The following LRRC7 variants were observed in gnomAD, a reference collection of about 807,000 sequenced individuals.
LRRC7 encodes the protein leucine rich repeat containing 7.
LRRC7 carries 23 observed loss-of-function variants against 175.7 expected under a neutral mutation model. That is an observed-to-expected ratio of 0.13 (90% confidence interval 0.09 to 0.19). LRRC7 has a LOEUF of 0.19. Ranked by LOEUF, LRRC7 falls within the 10% of genes least tolerant of loss-of-function variation. LRRC7 has a pLI of 1.00. For missense variants in LRRC7, 1,354 were observed against 1,904.7 expected (o/e 0.71, Z 5.38); for synonymous variants, 685 against 680.9 (o/e 1.01, Z -0.09).
At chr1:70,046,518 A>G (rs1660341373) in intron 22 of LRRC7, among the ~76,000 whole-genome samples, 1 of 152,188 alleles carries the variant, frequency 6.6e-6, no homozygotes, top group Non-Finnish European at 1.5e-5. Context: ...CACCAAAAAA[A>G]GAAGAAAAGT....
intron 8 of LRRC7, among the ~76,000 whole-genome samples, chr1:69,957,359 C>T (rs1301272302): frequency 1.3e-4 from 19 of 151,900 alleles, no homozygotes; most frequent in Non-Finnish European, 2.8e-4. Context: ...TTCCATTGAA[C>T]AAACGTAAGG....
intron 4 of LRRC7, among the ~76,000 whole-genome samples, chr1:69,814,756 A>T (rs1678383520): frequency 6.6e-6 from 1 of 152,194 alleles, no homozygotes; most frequent in African/African-American, 2.4e-5. Context: ...GTGAAGAGCC[A>T]CTGGTAACCT....
chr1:69,621,546 A>T (rs1489385363), intron 1 of LRRC7, among the ~76,000 whole-genome samples: 1 of 152,196 alleles, frequency 6.6e-6, no homozygotes, highest in Non-Finnish European at 1.5e-5. Flanking sequence ...AAAATTTCCT[A>T]GTTGAAATAT....
At chr1:69,615,807 A>T (rs917795993) in intron 1 of LRRC7, among the ~76,000 whole-genome samples, 3 of 152,046 alleles carry the variant, frequency 2.0e-5, no homozygotes, top group Admixed American at 6.6e-5. Flanking sequence ...ATTAAAGATT[A>T]AAAAATGTAT....
intron 1 of LRRC7, among the ~76,000 whole-genome samples, chr1:69,645,911 A>AT (rs1174435729): frequency 6.6e-6 from 1 of 152,004 alleles, no homozygotes; most frequent in Non-Finnish European, 1.5e-5. Context: ...TAGAACTGGA[A>AT]TTTTTTCTTG....
chr1:69,800,169 G>GTA (rs1383044351), intron 4 of LRRC7, among the ~76,000 whole-genome samples: 2 of 151,936 alleles, frequency 1.3e-5, no homozygotes, highest in Non-Finnish European at 1.5e-5. Flanking sequence ...TGGGGGTCAG[G>GTA]TAATTTGATG....
In LRRC7 at chr1:70,038,433, C is replaced by T; in HGVS notation, c.2609C>T (p.Pro870Leu). Residue 870 changes from proline (P) to leucine (L), a missense_variant, in exon 21 of 27, where the codon CCA (proline) becomes CTA (leucine). This residue lies in a region of LRRC7 where 1,032 missense variants were observed against 1,227.2 expected (regional missense o/e 0.84). Coordinates refer to ENST00000651989, the MANE Select transcript of LRRC7 (RefSeq NM_001370785.2). ...GAGCAGTCTACACACAGACACACAC[C>T]AGAAACAGAAGTGCCTCCTTCCAAT... ...ELEQSTHRHT[P>L]ETEVPPSNPW... 1 of 1,614,112 alleles carries T rather than the reference C, an allele frequency of 6.2e-7. No homozygotes were observed. The highest frequency in any genetic ancestry group is 2.2e-5 in the East Asian group (1 of 44,850).
intron 4 of LRRC7, among the ~76,000 whole-genome samples, chr1:69,822,105 T>TCCACCTAA (rs2101216563): frequency 6.6e-6 from 1 of 152,298 alleles, no homozygotes; most frequent in Admixed American, 6.5e-5. Flanking sequence ...ATGTGCCTGC[T>TCCACCTAA]CCACCTATTT....
chr1:69,675,270 C>T (rs1029821812), intron 1 of LRRC7, among the ~76,000 whole-genome samples: 2 of 152,118 alleles, frequency 1.3e-5, no homozygotes, highest in South Asian at 2.1e-4. Context: ...CAATAGTAAT[C>T]GTTTAAATCC....
chr1:69,626,242 A>C (rs1296558147), intron 1 of LRRC7, among the ~76,000 whole-genome samples: 1 of 152,164 alleles, frequency 6.6e-6, no homozygotes, highest in Non-Finnish European at 1.5e-5. Flanking sequence ...AAAGATTGTC[A>C]GAATCTATGG....
intron 7 of LRRC7, among the ~76,000 whole-genome samples, chr1:69,886,852 T>G (rs1002904919): frequency 2.9e-4 from 43 of 150,740 alleles, no homozygotes; most frequent in African/African-American, 8.5e-4. Flanking sequence ...GTCTGTAAAG[T>G]ATTTTATTTC....
chr1:69,626,753 G>A (rs186153433), intron 1 of LRRC7, among the ~76,000 whole-genome samples: 94 of 131,356 alleles, frequency 7.2e-4, no homozygotes, highest in African/African-American at 2.5e-3. Context: ...GCCCCGGTGT[G>A]TGATGTTCCC....
At chr1:69,865,508 G>C (rs1022373420) in intron 7 of LRRC7, among the ~76,000 whole-genome samples, 7 of 56,620 alleles carry the variant, frequency 1.2e-4, no homozygotes, top group Non-Finnish European at 1.8e-4. Context: ...ACGGAGTCCC[G>C]CTCAGTGCCC....
intron 2 of LRRC7, among the ~76,000 whole-genome samples, chr1:69,687,253 A>C (rs991119698): frequency 2.0e-5 from 3 of 152,168 alleles, no homozygotes; most frequent in Non-Finnish European, 4.4e-5. Flanking sequence ...TCACACCTGT[A>C]ATCCCAGCAC....
chr1:69,602,154 C>A (rs1397488059), intron 1 of LRRC7, among the ~76,000 whole-genome samples: 2 of 152,182 alleles, frequency 1.3e-5, no homozygotes, highest in African/African-American at 4.8e-5. Context: ...AGAACAAGAA[C>A]AGAACCCAGA....
chr1:69,875,183 C>G (rs1270857140), intron 7 of LRRC7, among the ~76,000 whole-genome samples: 1 of 152,004 alleles, frequency 6.6e-6, no homozygotes, highest in Non-Finnish European at 1.5e-5. Context: ...ATTAAAGAAA[C>G]ATTGCTGTTT....
intron 7 of LRRC7, among the ~76,000 whole-genome samples, chr1:69,926,260 G>T (rs567860677): frequency 1.5e-5 from 2 of 133,118 alleles, no homozygotes; most frequent in South Asian, 2.5e-4. Flanking sequence ...TGTGTGGTGT[G>T]GTGCTGAAAA....
At chr1:69,880,877 C>T (rs899172542) in intron 7 of LRRC7, among the ~76,000 whole-genome samples, 3 of 152,140 alleles carry the variant, frequency 2.0e-5, no homozygotes, top group African/African-American at 7.2e-5. Context: ...AAAAAAGACA[C>T]AGCCATGTTC....
At chr1:69,953,388 C>T (rs1650150750) in intron 8 of LRRC7, among the ~76,000 whole-genome samples, 3 of 152,032 alleles carry the variant, frequency 2.0e-5, no homozygotes, top group Non-Finnish European at 2.9e-5. Flanking sequence ...TAATCTTCCC[C>T]TCCTCTAAAC....
Sources: allele counts gnomAD v4.1 joint callset (sites outside exome capture counted in the v4.1 genomes callset), GRCh38; gene constraint gnomAD v4.1.1; regional missense constraint gnomAD v4.1.1; transcripts MANE v1.5; gene names NCBI Gene and HGNC (gene_info 2026-07-23, HGNC 2026-07-21).